GIT2: variants seen among roughly 807,000 people sequenced by gnomAD.
The protein encoded by GIT2 is ARF GTPase-activating protein GIT2.
A neutral mutation model predicts 100.3 loss-of-function variants in GIT2; 32 were observed. The ratio of observed to expected loss-of-function variants is 0.32; its 90% confidence interval spans 0.24 to 0.43. The LOEUF (loss-of-function observed/expected upper bound fraction) is 0.43. GIT2 is among the 20% of genes least tolerant of loss of function. GIT2 has a pLI of 1.00. For missense variants in GIT2, 737 were observed against 975.1 expected, an observed-to-expected ratio of 0.76 and a Z score of 3.25; for synonymous variants, 353 against 364.1, an observed-to-expected ratio of 0.97 and a Z score of 0.35.
chr12:109,991,432 C>T (rs1345125559), intron 2 of GIT2, among the ~76,000 whole-genome samples, 195 bp downstream of exon 2: 2 of 152,000 alleles, frequency 1.3e-5, no homozygotes, highest in African/African-American at 4.8e-5. Context: ...AGATTTATGT[C>T]AAGTAGGAAG....
intron 7 of GIT2, among the ~76,000 whole-genome samples, chr12:109,976,600 T>A (rs1472933862): frequency 1.3e-5 from 2 of 150,634 alleles, no homozygotes; most frequent in African/African-American, 4.9e-5. Context: ...TTTCTTTTTT[T>A]TTTTTTTTGA....
chr12:109,959,976 A>T lies in GIT2; in HGVS notation c.988-18T>A. On this transcript the variant is annotated intron_variant, in intron 11 of 19. Coordinates refer to ENST00000355312, the MANE Select transcript of GIT2 (RefSeq NM_057169.5). ...TGTCTGCCCTAAAGGTGGGAAAATAATTGGAAATATTTCCCAGTGTAAAAA... is the reference window on the plus strand; with the variant it reads ...TGTCTGCCCTAAAGGTGGGAAAATATTTGGAAATATTTCCCAGTGTAAAAA... 1 of 1,492,400 alleles carries T rather than the reference A, an allele frequency of 6.7e-7. No individual in the cohort carries two copies. The highest frequency in any genetic ancestry group is 9.4e-7 in the Non-Finnish European group (1 of 1,069,468). The allele number at this position is 1,492,400 out of a possible 1,614,324, so 92.4% of individuals were successfully genotyped here. A position where few individuals can be genotyped will look rare whatever the true frequency, so the allele number is the denominator to read the frequency against.
chr12:109,989,578 G>A (rs1888017060), intron 3 of GIT2, 112 bp downstream of exon 3: 1 of 648,712 alleles, frequency 1.5e-6, no homozygotes, highest in African/African-American at 1.8e-5. Context: ...CACAACTAGG[G>A]TAACCCCCTC....
rs1031899827 is a variant in GIT2, at chr12:109,932,873, G to A, written c.*105C>T. On this transcript the variant is annotated 3_prime_UTR_variant, in exon 20 of 20. Transcript: ENST00000355312. ...GTTTTCTTTTAAAAAGTTTTAAACC[G>A]TCATTAAATGTTTCTTTTTGTAGAA... 39 of 717,750 alleles carry A rather than the reference G, an allele frequency of 5.4e-5. No individual in the cohort carries two copies. The highest frequency in any genetic ancestry group is 8.0e-4 in the Middle Eastern group (2 of 2,514). 44.5% of individuals were successfully genotyped at this position (717,750 alleles called of 1,614,324 possible). A position where few individuals can be genotyped will look rare whatever the true frequency, so the allele number is the denominator to read the frequency against.
chr12:109,959,521 A>G (rs1880488195), intron 12 of GIT2, among the ~76,000 whole-genome samples: 1 of 152,174 alleles, frequency 6.6e-6, no homozygotes, highest in Non-Finnish European at 1.5e-5. Flanking sequence ...TAACTCTGAA[A>G]TATTGTTAAT....
chr12:109,962,265 A>G lies in GIT2; in HGVS notation c.817-580T>C, dbSNP rs1445686242. Among the ~76,000 whole-genome samples, 1 of 152,176 alleles carries G rather than the reference A, an allele frequency of 6.6e-6. No individual in the cohort carries two copies. The highest frequency in any genetic ancestry group is 1.5e-5 in the Non-Finnish European group (1 of 68,028). On this transcript the variant is annotated intron_variant, in intron 9 of 19. Transcript: ENST00000355312. This position sits in a 1 kb window ranked among gnomAD's most constrained non-coding sequence, Gnocchi z 4.3. ...CTACTCAGGAGGCTGAGGCAGGAGGATCACTTCAGCCCAGGATATCAAGGC... is the reference window on the plus strand; with the variant it reads ...CTACTCAGGAGGCTGAGGCAGGAGGGTCACTTCAGCCCAGGATATCAAGGC...
chr12:109,969,162 CTTTTTTTTTT>C (rs71079595), intron 7 of GIT2, among the ~76,000 whole-genome samples: 1 of 89,100 alleles, frequency 1.1e-5, no homozygotes, highest in South Asian at 4.4e-4. Context: ...AAAACTTTTC[CTTTTTTTTTT>C]TTTTTTTTTT....
upstream of GIT2, among the ~76,000 whole-genome samples, chr12:109,996,773 TAAG>T (rs546309633): frequency 1.5e-3 from 227 of 152,288 alleles, no homozygotes; most frequent in African/African-American, 5.3e-3. Context: ...TAAAGTAAAA[TAAG>T]AATATATTAT....
In GIT2 at chr12:109,948,789, T is replaced by C; in HGVS notation, c.1393-1285A>G. The C allele has an allele frequency of 6.3e-7, 1 of 1,594,190 alleles. No individual in the cohort carries two copies. Among genetic ancestry groups the C allele is most frequent in the Non-Finnish European group, 8.5e-7 (1 of 1,173,750 alleles). On this transcript the variant is annotated intron_variant, in intron 14 of 19. Coordinates refer to ENST00000355312, the MANE Select transcript of GIT2 (RefSeq NM_057169.5). The surrounding 1 kb of genome is among the most constrained non-coding windows in gnomAD (Gnocchi z 4.3). ...TTTTTATTTAGAAAGCACCAATCTGTGAAAAATACACCAATAGTAGTTGCT... is the reference window on the plus strand; with the variant it reads ...TTTTTATTTAGAAAGCACCAATCTGCGAAAAATACACCAATAGTAGTTGCT...
intron 17 of GIT2, 22 bp from the exon 18 acceptor site, chr12:109,938,590 T>C (rs371412123): frequency 2.1e-5 from 32 of 1,545,712 alleles, no homozygotes; most frequent in African/African-American, 2.8e-5. Flanking sequence ...AAAGATGCAG[T>C]TAAATACAGC....
chr12:109,944,298 A>C (rs1875662122), intron 16 of GIT2, among the ~76,000 whole-genome samples: 1 of 152,260 alleles, frequency 6.6e-6, no homozygotes, highest in Admixed American at 6.5e-5. Context: ...GCAAAGGCCC[A>C]GTGCAAACCC....
Position 109,953,226 on chromosome 12 carries a change from C to G in GIT2, c.1108G>C (p.Glu370Gln). The G allele has an allele frequency of 1.2e-6, 2 of 1,613,668 alleles. No individual in the cohort carries two copies. Among genetic ancestry groups the G allele is most frequent in the Non-Finnish European group, 1.7e-6 (2 of 1,179,686 alleles). The change falls in exon 13 of 20, where the codon GAG (glutamate) becomes CAG (glutamine). Residue 370 changes from glutamate (E) to glutamine (Q), a missense_variant. Around this residue, in one of 3 missense-constraint regions of GIT2, gnomAD observed 451 missense variants for 543.7 expected, o/e 0.83. Transcript: ENST00000355312. ...SSLSGSKDNV[E>Q]LILKTINNQH... Reference sequence around the variant, plus strand: ...TTATTGATGGTTTTCAGTATGAGCTCCACATTGTCTATCAATAAAAGCAAA... The same window carrying G: ...TTATTGATGGTTTTCAGTATGAGCTGCACATTGTCTATCAATAAAAGCAAA...
intron 16 of GIT2, chr12:109,939,903 A>G (rs1874197851): frequency 6.6e-6 from 1 of 152,244 alleles, no homozygotes; most frequent in Non-Finnish European, 1.5e-5. Flanking sequence ...ACAAAAAAAC[A>G]TGCCAGCACT....
chr12:109,995,982 G>A, intron 1 of GIT2, 191 bp downstream of exon 1: 1 of 476,648 alleles, frequency 2.1e-6, no homozygotes, highest in African/African-American at 2.0e-5. Flanking sequence ...GGCCGCGAGG[G>A]ACGGGGAGGG....
chr12:109,995,201 A>G (rs945083481), intron 1 of GIT2, among the ~76,000 whole-genome samples: 1 of 152,196 alleles, frequency 6.6e-6, no homozygotes, highest in African/African-American at 2.4e-5. Flanking sequence ...AGACCTGACA[A>G]TTCAGTTGCA....
rs564903570 is a variant in GIT2, at chr12:109,987,021, C to G, written c.405+1942G>C. Among the ~76,000 whole-genome samples the G allele has an allele frequency of 1.9e-4, 29 of 152,082 alleles. No individual in the cohort carries two copies. In the South Asian group the frequency reaches 5.8e-3, roughly 31 times the overall value. ...AATTAACCCATCATGATCAAGTAGG[C>G]TTTTTTGCTGAGATTCAAGGCTGGC... On this transcript the variant is annotated intron_variant, in intron 4 of 19. Transcript: ENST00000355312.
At chr12:109,996,056 G>A in intron 1 of GIT2, 117 bp downstream of exon 1, 1 of 647,110 alleles carries the variant, frequency 1.5e-6, no homozygotes, top group Non-Finnish European at 2.5e-6. Flanking sequence ...AGGCCGCCCA[G>A]GGACCTCTTC....
At chr12:109,965,883 G>A (rs959268115) in intron 8 of GIT2, 1 of 475,876 alleles carries the variant, frequency 2.1e-6, no homozygotes, top group Middle Eastern at 3.2e-4. Context: ...CACAATTTTT[G>A]AAGTATTAAA....
chr12:109,985,426 G>T (rs1390612282), intron 4 of GIT2, among the ~76,000 whole-genome samples: 1 of 151,946 alleles, frequency 6.6e-6, no homozygotes, highest in African/African-American at 2.4e-5. Flanking sequence ...AAAAGGGGGG[G>T]GAAAAAAGGC....
Sources: gnomAD v4.1 joint callset for allele counts (sites outside exome capture counted in the v4.1 genomes callset) on GRCh38, gnomAD v4.1.1 for gene constraint, gnomAD v4.1.1 regional missense constraint, Gnocchi (gnomAD v3.1) non-coding constraint, MANE v1.5 for transcripts, NCBI Gene and HGNC (gene_info 2026-07-23, HGNC 2026-07-21) for gene names.